Variants in SH3TC1 observed in about 807,000 individuals in gnomAD.
SH3TC1 encodes SH3 domain and tetratricopeptide repeats 1, also known as SH3 domain and tetratricopeptide repeat-containing protein 1.
SH3TC1 carries 135 observed loss-of-function variants against 117.3 expected under a neutral mutation model. The ratio of observed to expected loss-of-function variants is 1.15; its 90% CI spans 1.00 to 1.33. The LOEUF is 1.33. Ranked by LOEUF, SH3TC1 falls within the 40% of genes most tolerant of loss-of-function variation. The pLI, the probability that SH3TC1 is intolerant of heterozygous loss-of-function variation, is 0.00. For synonymous variants in SH3TC1, 898 were observed against 816.9 expected, an observed-to-expected ratio of 1.10 and a Z score of -1.69; for missense variants, 2,092 against 1,794.3, an observed-to-expected ratio of 1.17 and a Z score of -3.00.
chr4:8,212,386 G>A (rs1718826390), intron 3 of SH3TC1, among the ~76,000 whole-genome samples: 1 of 152,170 alleles, frequency 6.6e-6, no homozygotes, highest in South Asian at 2.1e-4. Flanking sequence ...GTGACAGGGA[G>A]GAGAGACCAT....
chr4:8,194,904 A>G (rs1717513960), upstream of SH3TC1, among the ~76,000 whole-genome samples: 1 of 152,148 alleles, frequency 6.6e-6, no homozygotes, highest in South Asian at 2.1e-4. Flanking sequence ...TGCTCCACTC[A>G]CACCTTAGAA....
intron 14 of SH3TC1, among the ~76,000 whole-genome samples, chr4:8,233,755 C>G (rs1721481215): frequency 3.0e-5 from 1 of 33,244 alleles, no homozygotes; most frequent in South Asian, 1.8e-3. Context: ...ATCCATCCAT[C>G]CATCATCCAT....
chr4:8,234,524 CG>C (rs770877838), intron 14 of SH3TC1, among the ~76,000 whole-genome samples: 11 of 151,724 alleles, frequency 7.3e-5, no homozygotes, highest in Non-Finnish European at 1.5e-4. Context: ...TCCATCCGTC[CG>C]TCCATCCATC....
At position 8,241,032 on chromosome 4, in the gene SH3TC1, T is replaced by A; in HGVS notation, c.*77T>A. 1 of 1,561,022 alleles carries A rather than the reference T, an allele frequency of 6.4e-7. No homozygotes were observed. Among genetic ancestry groups the A allele is most frequent in the Non-Finnish European group, 8.6e-7 (1 of 1,157,878 alleles). ...TCTCCTGGTGTCGCCGGTGGCTCAT[T>A]TTCTGGCAAATGGAGGCACGAACGC... is the stretch of plus-strand genomic sequence containing the variant. On this transcript the variant is annotated 3_prime_UTR_variant, in exon 18 of 18. Coordinates refer to ENST00000245105, the MANE Select transcript of SH3TC1 (RefSeq NM_018986.5).
At chr4:8,233,600 C>G in intron 14 of SH3TC1, 87 bp downstream of exon 14, 2 of 1,389,132 alleles carry the variant, frequency 1.4e-6, no homozygotes, top group East Asian at 2.5e-5. Flanking sequence ...ATAGATGATC[C>G]TTCCATCATC....
chr4:8,222,564 G>A (rs1720034196), intron 9 of SH3TC1, among the ~76,000 whole-genome samples: 1 of 151,664 alleles, frequency 6.6e-6, no homozygotes, highest in Non-Finnish European at 1.5e-5. Context: ...GTAGAGATGG[G>A]GGTTTCACCA....
In SH3TC1 at chr4:8,233,481, C is replaced by A. The variant is rs139044334; in HGVS notation, c.3250C>A (p.Arg1084=). 7 of 1,612,824 alleles carry A rather than the reference C, an allele frequency of 4.3e-6. No individual in the cohort carries two copies. The highest frequency in any genetic ancestry group is 5.9e-6 in the Non-Finnish European group (7 of 1,179,468). The part of the protein sequence containing the change: ...LQAGKIYYIL[R]QSELVDLYIQ... ...AGCAGGGAAGATCTATTACATCTTGCGGCAGAGCGAGCTGGTGGACCTCTA... is the reference window on the plus strand; with the variant it reads ...AGCAGGGAAGATCTATTACATCTTGAGGCAGAGCGAGCTGGTGGACCTCTA... The change falls in exon 14 of 18, where the codon CGG becomes AGG. Residue 1084 remains arginine, a synonymous_variant. Transcript: ENST00000245105.
intron 10 of SH3TC1, among the ~76,000 whole-genome samples, chr4:8,223,273 C>A (rs1010403528): frequency 2.0e-5 from 3 of 152,260 alleles, no homozygotes; most frequent in African/African-American, 7.2e-5. Flanking sequence ...GGGTATGGGT[C>A]TGGTTCTAAT....
At chr4:8,196,166 T>C (rs1717551928), upstream of SH3TC1, among the ~76,000 whole-genome samples, 1 of 152,232 alleles carries the variant, frequency 6.6e-6, no homozygotes, top group Non-Finnish European at 1.5e-5. This position sits in a 1 kb window ranked among gnomAD's most constrained non-coding sequence, Gnocchi z 4.6. Context: ...GAAAAGTCCT[T>C]GAGTCTAATT....
intron 15 of SH3TC1, chr4:8,236,050 C>T (rs958663270): frequency 6.5e-5 from 35 of 541,062 alleles, no homozygotes; most frequent in Admixed American, 5.5e-4. Context: ...GGTGCCCAGG[C>T]GGGAGGGGCT....
At chr4:8,198,041 C>T (rs574606310), upstream of SH3TC1, among the ~76,000 whole-genome samples, 26 of 152,062 alleles carry the variant, frequency 1.7e-4, no homozygotes, top group Non-Finnish European at 3.2e-4. Context: ...GAGGAGGGGG[C>T]TACTGGCATC....
At chr4:8,198,927 A>G (rs1273331425), upstream of SH3TC1, among the ~76,000 whole-genome samples, 2 of 152,114 alleles carry the variant, frequency 1.3e-5, no homozygotes, top group African/African-American at 2.4e-5. Flanking sequence ...GCATGCATGT[A>G]TGTGTGCAGG....
At chr4:8,218,722 G>A (rs1219201369) in intron 8 of SH3TC1, among the ~76,000 whole-genome samples, 1 of 152,232 alleles carries the variant, frequency 6.6e-6, no homozygotes, top group Admixed American at 6.5e-5. Context: ...CATGGGAAAC[G>A]CCTGGAAGGC....
intron 14 of SH3TC1, 44 bp downstream of exon 14, chr4:8,233,557 CTCCATCCA>C (rs760691028): frequency 2.8e-5 from 43 of 1,543,312 alleles, no homozygotes; most frequent in Non-Finnish European, 3.8e-5. Context: ...CATGTTCACT[CTCCATCCA>C]TCCATCCGTC....
chr4:8,228,355 C>A lies in SH3TC1; in HGVS notation c.2661C>A (p.Tyr887Ter), dbSNP rs747962173. The A allele has an allele frequency of 6.2e-7, 1 of 1,611,786 alleles. No individual in the cohort carries two copies. Among genetic ancestry groups the A allele is most frequent in the Non-Finnish European group, 8.5e-7 (1 of 1,179,792 alleles). ...GRTRQAAESY[Y>*]RALRVARDLG... ...CGAGGCAGGCAGCTGAGAGCTACTA[C>A]CGCGCCCTGCGGGTGGCTCGGGACC... Residue 887 changes from tyrosine (Y) to a stop codon, truncating the protein, a stop_gained, in exon 12 of 18, where the codon TAC becomes TAA. Coordinates refer to ENST00000245105, the MANE Select transcript of SH3TC1 (RefSeq NM_018986.5). LOFTEE classifies it high-confidence loss of function.
In SH3TC1 at chr4:8,186,085, A is replaced by C. The variant is rs1349621949; in HGVS notation, c.-57+3875A>C. The stretch of plus-strand genomic sequence containing the variant: ...GTCCGCGCGGGCCCCTCGCTGTTTT[A>C]CTGTGGAGTTGTCGATTTTTTCCTC... On this transcript the variant is annotated intron_variant, in intron 1 of 16. Transcript: ENST00000508641. The surrounding 1 kb of genome is among the most constrained non-coding windows in gnomAD (Gnocchi z 5.2). 1.3e-5 allele frequency among the ~76,000 whole-genome samples: 2 copies of C among 152,144 alleles called. No individual in the cohort carries two copies. The highest frequency in any genetic ancestry group is 2.9e-5 in the Non-Finnish European group (2 of 68,026).
chr4:8,234,582 CCCAT>C lies in SH3TC1; in HGVS notation c.3283-830_3283-827del, dbSNP rs369852001. Among the ~76,000 whole-genome samples the C allele has an allele frequency of 5.3e-3, 406 of 76,714 alleles. 1 individual carries two copies. The highest frequency in any genetic ancestry group is 0.021 in the Middle Eastern group (3 of 140). 50.3% of individuals were successfully genotyped at this position (76,714 alleles called of 152,430 possible). On this transcript the variant is annotated intron_variant, in intron 14 of 17. Transcript: ENST00000245105. ...GCTCATCCATTTATCCATCCATCCACCCATCCATCCATCCATCCATCCATGTACC... is the reference window on the plus strand; with the variant it reads ...GCTCATCCATTTATCCATCCATCCACCCATCCATCCATCCATCCATGTACC...
At chr4:8,193,145 C>G (rs933841985) in intron 1 of SH3TC1, among the ~76,000 whole-genome samples, 8 of 152,228 alleles carry the variant, frequency 5.3e-5, no homozygotes, top group African/African-American at 1.9e-4. Context: ...ACGCATCCCC[C>G]GGCCCTACCC....
At chr4:8,202,525 A>C (rs942145062) in intron 1 of SH3TC1, among the ~76,000 whole-genome samples, 5 of 152,178 alleles carry the variant, frequency 3.3e-5, no homozygotes, top group Non-Finnish European at 7.3e-5. Flanking sequence ...CCCGGCCCCC[A>C]CAGGTCCTGG....
Sources: allele counts gnomAD v4.1 joint callset (sites outside exome capture counted in the v4.1 genomes callset), GRCh38; gene constraint gnomAD v4.1.1; non-coding constraint Gnocchi (gnomAD v3.1); transcripts MANE v1.5; gene names NCBI Gene and HGNC (gene_info 2026-07-23, HGNC 2026-07-21).